SLC39A11: variants seen among roughly 807,000 people sequenced by gnomAD.
The protein encoded by SLC39A11 is zinc transporter ZIP11.
A neutral mutation model predicts 36.1 loss-of-function variants in SLC39A11; 33 were observed. That is an observed-to-expected ratio of 0.91 (90% CI 0.69 to 1.22). The LOEUF is 1.22. Ranked by LOEUF, SLC39A11 falls within the 50% of genes most tolerant of loss-of-function variation. The pLI, the probability that SLC39A11 is intolerant of heterozygous loss-of-function variation, is 0.00. For missense variants in SLC39A11, 432 were observed against 430.3 expected, an observed-to-expected ratio of 1.00 and a Z score of -0.03; for synonymous variants, 166 against 170.3, an observed-to-expected ratio of 0.97 and a Z score of 0.20.
At position 73,081,953 on chromosome 17, in the gene SLC39A11, T is replaced by C. The variant is rs192844862; in HGVS notation, c.147+2855A>G. ...AATGATACAATGGACTCTGGGAATC[T>C]GGTGGAAAGGGTAGGGGGGCTAGGG... On this transcript the variant is annotated intron_variant, in intron 3 of 9. Coordinates refer to ENST00000255559, the MANE Select transcript of SLC39A11 (RefSeq NM_139177.4). Among the ~76,000 whole-genome samples the C allele has an allele frequency of 6.0e-3, 910 of 150,978 alleles. 6 individuals carry two copies. Among genetic ancestry groups the C allele is most frequent in the Middle Eastern group, 0.028 (8 of 290 alleles).
intron 5 of SLC39A11, among the ~76,000 whole-genome samples, chr17:72,931,672 A>C (rs112601605): frequency 8.9e-4 from 136 of 152,346 alleles, no homozygotes; most frequent in African/African-American, 3.1e-3. Context: ...CGAAAGTCTT[A>C]GCAAGTTACT....
chr17:72,781,733 A>C (rs1317116103), intron 6 of SLC39A11, among the ~76,000 whole-genome samples: 1 of 152,030 alleles, frequency 6.6e-6, no homozygotes, highest in East Asian at 1.9e-4. Flanking sequence ...TTTTGTTTCT[A>C]ATACAAGCTC....
chr17:72,746,202 TAA>T (rs1333525993), intron 6 of SLC39A11, among the ~76,000 whole-genome samples: 1 of 152,102 alleles, frequency 6.6e-6, no homozygotes, highest in Admixed American at 6.5e-5. Flanking sequence ...GGTAGCCTCA[TAA>T]CATCCCTCAG....
intron 7 of SLC39A11, among the ~76,000 whole-genome samples, chr17:72,662,413 AAAAG>A (rs1481401310): frequency 1.3e-5 from 2 of 149,842 alleles, no homozygotes; most frequent in African/African-American, 2.5e-5. Context: ...GGAAGAAAGA[AAAAG>A]AAAGAGAAAG....
Position 72,798,468 on chromosome 17 carries a change from C to A in SLC39A11, c.601+51166G>T, listed in dbSNP as rs2076974177. On this transcript the variant is annotated intron_variant, in intron 6 of 9. Coordinates refer to ENST00000255559, the MANE Select transcript of SLC39A11 (RefSeq NM_139177.4). ...TCACTCTGTTGCCCAGTCTGAAGTG[C>A]AATGGCACGATCTCAGCTCTCTGCA... Among the ~76,000 whole-genome samples, 4 of 140,818 alleles carry A rather than the reference C, an allele frequency of 2.8e-5. No individual in the cohort carries two copies. The South Asian group carries it at 6.7e-4, about 24-fold the overall frequency. The allele number at this position is 140,818 out of a possible 152,430, so 92.4% of individuals were successfully genotyped here.
At chr17:72,956,856 A>G (rs544030147) in intron 4 of SLC39A11, among the ~76,000 whole-genome samples, 2 of 152,304 alleles carry the variant, frequency 1.3e-5, no homozygotes, top group Admixed American at 6.5e-5. Flanking sequence ...ATTGCTAGGT[A>G]GCAAAACACC....
At position 72,792,221 on chromosome 17, in the gene SLC39A11, G is replaced by T. The variant is rs189314054; in HGVS notation, c.602-55502C>A. 2.8e-4 allele frequency among the ~76,000 whole-genome samples: 42 copies of T among 152,348 alleles called. No homozygotes were observed. In the East Asian group the frequency reaches 7.9e-3, roughly 29 times the overall value. Reference sequence around the variant, plus strand: ...GCAGGCCATGTGGGGCCACTCAAAGGTTGCACACAGTGAACCAGAAGGGGC... The same window carrying T: ...GCAGGCCATGTGGGGCCACTCAAAGTTTGCACACAGTGAACCAGAAGGGGC... On this transcript the variant is annotated intron_variant, in intron 6 of 9. Transcript: ENST00000255559.
chr17:73,023,452 G>A (rs368150887), intron 4 of SLC39A11, among the ~76,000 whole-genome samples: 1 of 152,084 alleles, frequency 6.6e-6, no homozygotes, highest in South Asian at 2.1e-4. Flanking sequence ...AGTTGAAAAG[G>A]TGTCCAATCA....
chr17:72,779,846 T>C (rs1356681383), intron 6 of SLC39A11, among the ~76,000 whole-genome samples: 2 of 152,194 alleles, frequency 1.3e-5, no homozygotes, highest in Non-Finnish European at 2.9e-5. Flanking sequence ...GCCCTGCCCT[T>C]ATAAGGGCCC....
In SLC39A11 at chr17:72,933,959, G is replaced by A. The variant is rs1236246944; in HGVS notation, c.430+13793C>T. 2.6e-5 allele frequency among the ~76,000 whole-genome samples: 4 copies of A among 151,976 alleles called. No homozygotes were observed. In the East Asian group the frequency reaches 7.7e-4, roughly 29 times the overall value. On this transcript the variant is annotated intron_variant, in intron 5 of 9. Transcript: ENST00000255559. ...TATGGCTCACGAACTTTTTACAAAAGCGAAAGGTTAATTCAATGGAGAAAA... is the reference window on the plus strand; with the variant it reads ...TATGGCTCACGAACTTTTTACAAAAACGAAAGGTTAATTCAATGGAGAAAA...
At chr17:73,017,734 T>C (rs2058215276) in intron 4 of SLC39A11, among the ~76,000 whole-genome samples, 1 of 151,636 alleles carries the variant, frequency 6.6e-6, no homozygotes, top group Middle Eastern at 3.2e-3. Context: ...AAAAACAAAA[T>C]AATAAAAAAT....
chr17:72,706,869 T>C (rs1053374192), intron 7 of SLC39A11, among the ~76,000 whole-genome samples: 4 of 152,158 alleles, frequency 2.6e-5, no homozygotes, highest in African/African-American at 7.2e-5. Flanking sequence ...ACAGAATCAC[T>C]GAGTAACAGG....
At chr17:72,890,577 G>GA (rs983143189) in intron 5 of SLC39A11, among the ~76,000 whole-genome samples, 1 of 152,150 alleles carries the variant, frequency 6.6e-6, no homozygotes, top group East Asian at 1.9e-4. Flanking sequence ...TGAACTGGGA[G>GA]AAAAAAGCTA....
At chr17:72,743,292 C>T (rs2074791483) in intron 6 of SLC39A11, among the ~76,000 whole-genome samples, 1 of 152,162 alleles carries the variant, frequency 6.6e-6, no homozygotes, top group African/African-American at 2.4e-5. Context: ...CCCCCAGCTA[C>T]AACATGGCCC....
chr17:72,768,361 T>A (rs755029445), intron 6 of SLC39A11, among the ~76,000 whole-genome samples: 5 of 152,220 alleles, frequency 3.3e-5, no homozygotes, highest in Admixed American at 6.5e-5. Context: ...CAGGAGTAGT[T>A]AAGGAAAAGG....
chr17:72,867,085 C>A (rs1260421734), intron 5 of SLC39A11, among the ~76,000 whole-genome samples: 2 of 152,112 alleles, frequency 1.3e-5, no homozygotes, highest in Non-Finnish European at 2.9e-5. Context: ...AAGGGAGATA[C>A]TAAAATACTG....
intron 3 of SLC39A11, among the ~76,000 whole-genome samples, chr17:73,081,670 C>CATATATATATATATGTATGT (rs1334829443): frequency 3.6e-5 from 3 of 82,200 alleles, no homozygotes; most frequent in South Asian, 4.7e-4. Flanking sequence ...CACACACACA[C>CATATATATATATATGTATGT]ATATATATAC....
In SLC39A11 at chr17:72,947,771, A is replaced by G. The variant is rs762435295; in HGVS notation, c.411T>C (p.Ser137=). Reference sequence around the variant, plus strand: ...CTCTACCTATCCGGATGGAAAGTTCACTCTCAGGGAAGAGCAGCGCGGGAC... The same window carrying G: ...CTCTACCTATCCGGATGGAAAGTTCGCTCTCAGGGAAGAGCAGCGCGGGAC... ...PEGPALLFPE[S]ELSIRIDKSE... The change falls in exon 5 of 10, where the codon AGT becomes AGC. Residue 137 remains serine (S), a synonymous_variant. Coordinates refer to ENST00000255559, the MANE Select transcript of SLC39A11 (RefSeq NM_139177.4). The G allele has an allele frequency of 4.3e-6, 7 of 1,613,998 alleles. No homozygotes were observed. Among genetic ancestry groups the G allele is most frequent in the Non-Finnish European group, 5.1e-6 (6 of 1,180,008 alleles).
At chr17:73,088,604 C>G in intron 2 of SLC39A11, 53 bp downstream of exon 2, 1 of 1,441,026 alleles carries the variant, frequency 6.9e-7, no homozygotes, top group Non-Finnish European at 9.6e-7. Flanking sequence ...GGACAGTGCC[C>G]CTTTACCAAC....
Sources: gnomAD v4.1 joint callset for allele counts (sites outside exome capture counted in the v4.1 genomes callset) on GRCh38, gnomAD v4.1.1 for gene constraint, MANE v1.5 for transcripts, NCBI Gene and HGNC (gene_info 2026-07-23, HGNC 2026-07-21) for gene names.